Variants in VSTM4 observed in about 807,000 individuals in gnomAD.
VSTM4 encodes V-set and transmembrane domain-containing protein 4.
Under a neutral mutation model 36.4 loss-of-function variants are expected in VSTM4, and 20 were observed. That is an observed-to-expected ratio of 0.55 (90% CI 0.39 to 0.80). VSTM4 has a LOEUF of 0.80. VSTM4 is among the 30% of genes least tolerant of loss of function. The pLI, the probability that VSTM4 is intolerant of heterozygous loss-of-function variation, is 0.00. For missense variants in VSTM4, 392 were observed against 404.5 expected, an observed-to-expected ratio of 0.97 and a Z score of 0.26; for synonymous variants, 182 against 173.9, an observed-to-expected ratio of 1.05 and a Z score of -0.37.
At chr10:49,114,165 A>T (rs1286282522) in intron 1 of VSTM4, among the ~76,000 whole-genome samples, 1 of 152,026 alleles carries the variant, frequency 6.6e-6, no homozygotes, top group Admixed American at 6.5e-5. Context: ...GACAACTGGG[A>T]AAAGGTACAT....
At position 49,064,749 on chromosome 10, in the gene VSTM4, A is replaced by G. The variant is rs1487237851; in HGVS notation, c.635-13T>C. ...AAATAATGTCTCACTGTGAAAGGAA[A>G]AATAATAGAAGATGGTAAACCAATG... is the stretch of plus-strand genomic sequence containing the variant. On this transcript the variant is annotated splice_polypyrimidine_tract_variant and intron_variant, in intron 4 of 7. Transcript: ENST00000332853. 2 of 1,611,726 alleles carry G rather than the reference A, an allele frequency of 1.2e-6. No homozygotes were observed. The highest frequency in any genetic ancestry group is 1.7e-6 in the Non-Finnish European group (2 of 1,178,908).
At chr10:49,043,609 G>A (rs1843554589) in intron 7 of VSTM4, among the ~76,000 whole-genome samples, 1 of 151,640 alleles carries the variant, frequency 6.6e-6, no homozygotes, top group African/African-American at 2.4e-5. Context: ...GAAAGACACT[G>A]GACTCAAAAA....
At chr10:49,050,733 T>C (rs754769919) in intron 5 of VSTM4, among the ~76,000 whole-genome samples, 3 of 152,256 alleles carry the variant, frequency 2.0e-5, no homozygotes, top group Non-Finnish European at 4.4e-5. Flanking sequence ...ACTCTTGAAA[T>C]GCCTATTTCT....
At chr10:49,110,281 A>C (rs1200423429) in intron 1 of VSTM4, among the ~76,000 whole-genome samples, 1 of 152,188 alleles carries the variant, frequency 6.6e-6, no homozygotes, top group Non-Finnish European at 1.5e-5. Context: ...AACCAGAAGG[A>C]TGTGCCAAGT....
chr10:49,084,965 C>T (rs1382964953), intron 3 of VSTM4, among the ~76,000 whole-genome samples: 4 of 152,192 alleles, frequency 2.6e-5, no homozygotes, highest in South Asian at 4.1e-4. Flanking sequence ...GCCAGGAGTA[C>T]CCCCAAAAGC....
chr10:49,082,046 T>G (rs1844288360), intron 3 of VSTM4, among the ~76,000 whole-genome samples: 3 of 152,152 alleles, frequency 2.0e-5, no homozygotes, highest in Non-Finnish European at 4.4e-5. Context: ...AAACAACAGT[T>G]AAACTCTGAG....
At chr10:49,048,215 A>G (rs1843643092) in intron 6 of VSTM4, among the ~76,000 whole-genome samples, 1 of 152,184 alleles carries the variant, frequency 6.6e-6, no homozygotes, top group Middle Eastern at 3.2e-3. Flanking sequence ...GTGGATGTTG[A>G]TCTTCCCCCT....
intron 2 of VSTM4, among the ~76,000 whole-genome samples, chr10:49,106,938 C>T (rs1344649386): frequency 6.6e-6 from 1 of 152,230 alleles, no homozygotes; most frequent in African/African-American, 2.4e-5. Context: ...CTGCCAAAAG[C>T]ATTTACTGCT....
chr10:49,056,545 T>A (rs1175000240), intron 5 of VSTM4, among the ~76,000 whole-genome samples: 1 of 152,196 alleles, frequency 6.6e-6, no homozygotes, highest in African/African-American at 2.4e-5. Flanking sequence ...ACAAAGGCCA[T>A]GGATGGATGC....
chr10:49,020,172 G>T (rs969013244), intron 7 of VSTM4, among the ~76,000 whole-genome samples: 1 of 152,136 alleles, frequency 6.6e-6, no homozygotes, highest in African/African-American at 2.4e-5. Flanking sequence ...ACACTAGAAC[G>T]CCACCACTTA....
intron 3 of VSTM4, among the ~76,000 whole-genome samples, chr10:49,078,990 C>T (rs1374498988): frequency 2.0e-5 from 3 of 152,170 alleles, no homozygotes; most frequent in South Asian, 4.2e-4. Context: ...CGCCGCCACA[C>T]CCAGCTAATT....
intron 4 of VSTM4, among the ~76,000 whole-genome samples, chr10:49,075,177 C>A (rs1230645887): frequency 6.6e-6 from 1 of 152,252 alleles, no homozygotes; most frequent in African/African-American, 2.4e-5. Flanking sequence ...TCTGTGAGGC[C>A]TGGAGGAGGA....
chr10:49,057,382 C>T (rs1041665068), intron 5 of VSTM4, among the ~76,000 whole-genome samples: 15 of 152,312 alleles, frequency 9.8e-5, no homozygotes, highest in East Asian at 3.9e-4. Context: ...CACCAGTCTA[C>T]GACCACTGTT....
chr10:49,035,137 A>C (rs1843408137), intron 7 of VSTM4, among the ~76,000 whole-genome samples: 1 of 152,152 alleles, frequency 6.6e-6, no homozygotes. Context: ...AAGGCCACCC[A>C]TGGGCTGGCC....
intron 2 of VSTM4, among the ~76,000 whole-genome samples, chr10:49,099,142 C>T (rs1235894800): frequency 6.6e-6 from 1 of 152,212 alleles, no homozygotes; most frequent in East Asian, 1.9e-4. Context: ...AGTGTAGTAC[C>T]TACGACACAA....
chr10:49,087,929 AATATATATG>A (rs1472315255), intron 2 of VSTM4, among the ~76,000 whole-genome samples: 2 of 130,274 alleles, frequency 1.5e-5, no homozygotes, highest in Non-Finnish European at 3.3e-5. Context: ...ATACATATGT[AATATATATG>A]TATATATACA....
chr10:49,104,277 A>T (rs12246766), intron 2 of VSTM4, among the ~76,000 whole-genome samples: 73,507 of 152,012 alleles, frequency 0.48, 19,283 homozygotes, highest in African/African-American at 0.7. Flanking sequence ...CCAGCCTGGG[A>T]GACAGAGCAA....
chr10:49,046,799 T>C (rs954561998), intron 7 of VSTM4, among the ~76,000 whole-genome samples, 184 bp downstream of exon 7: 4 of 152,206 alleles, frequency 2.6e-5, no homozygotes, highest in Admixed American at 6.5e-5. Flanking sequence ...AGAGTTACTC[T>C]GGGAACTAAG....
rs1267727443 is a variant in VSTM4 at position 49,018,109 on chromosome 10, A to G, written c.*1541T>C. 6.6e-6 allele frequency: 1 copy of G among 152,348 alleles called. No individual in the cohort carries two copies. The highest frequency in any genetic ancestry group is 1.5e-5 in the Non-Finnish European group (1 of 68,038). The allele number at this position is 152,348 out of a possible 1,614,324, so 9.4% of individuals were successfully genotyped here. A position where few individuals can be genotyped will look rare whatever the true frequency, so the allele number is the denominator to read the frequency against. The stretch of plus-strand genomic sequence containing the variant: ...TTCCAATTTGGACCCTTTCCAATAA[A>G]CCATAAACTCTCATGAGTCTTTGGG... On this transcript the variant is annotated 3_prime_UTR_variant, in exon 8 of 8. Transcript: ENST00000332853.
Sources: allele counts gnomAD v4.1 joint callset (sites outside exome capture counted in the v4.1 genomes callset), GRCh38; gene constraint gnomAD v4.1.1; transcripts MANE v1.5; gene names NCBI Gene and HGNC (gene_info 2026-07-23, HGNC 2026-07-21).